TENM4: variants seen among roughly 807,000 people sequenced by gnomAD.
The protein encoded by TENM4 is teneurin-4.
A neutral mutation model predicts 243.3 loss-of-function variants in TENM4; 82 were observed. The ratio of observed to expected loss-of-function variants is 0.34; its 90% CI spans 0.28 to 0.40. TENM4 has a LOEUF of 0.40. Ranked by LOEUF, TENM4 falls within the 10% of genes least tolerant of loss-of-function variation. The pLI is 1.00. For missense variants in TENM4, 3,138 were observed against 3,673.3 expected (o/e 0.85, Z 3.77); for synonymous variants, 1,412 against 1,456.3 (o/e 0.97, Z 0.69).
chr11:79,263,391 G>A (rs533787002), intron 2 of TENM4, among the ~76,000 whole-genome samples: 2 of 152,272 alleles, frequency 1.3e-5, no homozygotes, highest in South Asian at 4.2e-4. Context: ...CCGCAAACAT[G>A]GTGAAGTAAC....
At chr11:79,128,935 C>T (rs1327491268) in intron 4 of TENM4, among the ~76,000 whole-genome samples, 1 of 152,170 alleles carries the variant, frequency 6.6e-6, no homozygotes, top group Non-Finnish European at 1.5e-5. Context: ...TGAACTTTAG[C>T]TCCAGATTGA....
At chr11:79,352,565 C>T (rs1857431664) in intron 1 of TENM4, among the ~76,000 whole-genome samples, 1 of 152,202 alleles carries the variant, frequency 6.6e-6, no homozygotes, top group South Asian at 2.1e-4. Flanking sequence ...CAGTTGCTGA[C>T]AGAAGGATGT....
At position 78,655,843 on chromosome 11, in the gene TENM4, C is replaced by A. The variant is rs925974131; in HGVS notation, c.*2215G>T. On this transcript the variant is annotated 3_prime_UTR_variant, in exon 34 of 34. Transcript: ENST00000278550. ...CAAAACTTGTGTTCTTCAGGCCAAACTGTTTTCCATCTCATCCAAGAATGA... is the reference window on the plus strand; with the variant it reads ...CAAAACTTGTGTTCTTCAGGCCAAAATGTTTTCCATCTCATCCAAGAATGA... 24 of 152,322 alleles carry A rather than the reference C, an allele frequency of 1.6e-4. No individual in the cohort carries two copies. Among genetic ancestry groups the A allele is most frequent in the African/African-American group, 5.8e-4 (24 of 41,558 alleles). 9.4% of individuals were successfully genotyped at this position (152,322 alleles called of 1,614,324 possible). A position where few individuals can be genotyped will look rare whatever the true frequency, so the allele number is the denominator to read the frequency against.
intron 22 of TENM4, 107 bp downstream of exon 22, chr11:78,729,269 A>T: frequency 8.1e-7 from 1 of 1,231,222 alleles, no homozygotes; most frequent in Non-Finnish European, 1.1e-6. Flanking sequence ...ATTAAGCCTT[A>T]GGTATTTTTG....
intron 16 of TENM4, among the ~76,000 whole-genome samples, chr11:78,784,790 TA>T (rs1856901094): frequency 6.6e-6 from 1 of 152,114 alleles, no homozygotes; most frequent in South Asian, 2.1e-4. Context: ...GGCATCAAAA[TA>T]AAAGGGACAT....
intron 4 of TENM4, among the ~76,000 whole-genome samples, chr11:79,094,829 T>C (rs1861041218): frequency 6.6e-6 from 1 of 152,146 alleles, no homozygotes; most frequent in South Asian, 2.1e-4. Flanking sequence ...CCCAGGGAGT[T>C]TGCGGAAGAT....
intron 6 of TENM4, among the ~76,000 whole-genome samples, chr11:78,922,169 T>A (rs1856462226): frequency 6.6e-6 from 1 of 152,230 alleles, no homozygotes; most frequent in South Asian, 2.1e-4. Context: ...CTATTCAAGG[T>A]CTCTGAGGTG....
intron 1 of TENM4, among the ~76,000 whole-genome samples, chr11:79,419,019 C>T (rs1211126963): frequency 2.0e-5 from 3 of 152,190 alleles, no homozygotes; most frequent in African/African-American, 4.8e-5. Context: ...GGAAGTCAAA[C>T]TCATTGGATT....
At chr11:78,883,580 A>G (rs906208864) in intron 9 of TENM4, among the ~76,000 whole-genome samples, 2 of 152,252 alleles carry the variant, frequency 1.3e-5, no homozygotes, top group Non-Finnish European at 2.9e-5. Context: ...TTTTAGATTT[A>G]TTAACAAGCC....
chr11:79,278,179 C>T (rs1409150928), intron 2 of TENM4, among the ~76,000 whole-genome samples: 1 of 152,148 alleles, frequency 6.6e-6, no homozygotes, highest in East Asian at 1.9e-4. Context: ...CTTATTTTCC[C>T]ACCTTGTTCC....
chr11:79,102,303 A>T (rs1025733254), intron 4 of TENM4, among the ~76,000 whole-genome samples: 1 of 152,192 alleles, frequency 6.6e-6, no homozygotes, highest in Admixed American at 6.5e-5. Flanking sequence ...ACTTGGAAGA[A>T]CTTCCTGAGA....
intron 6 of TENM4, among the ~76,000 whole-genome samples, chr11:79,007,430 C>A (rs1858516672): frequency 6.6e-6 from 1 of 152,086 alleles, no homozygotes; most frequent in Non-Finnish European, 1.5e-5. Flanking sequence ...GGGGGCTAAG[C>A]AGGGTGTAGA....
At chr11:79,078,563 C>A (rs1015484998) in intron 4 of TENM4, among the ~76,000 whole-genome samples, 189 of 152,234 alleles carry the variant, frequency 1.2e-3, no homozygotes, top group African/African-American at 4.5e-3. Flanking sequence ...CTGAGAGTAG[C>A]AAAGTGATGC....
At chr11:78,807,199 T>C (rs1857407317) in intron 14 of TENM4, among the ~76,000 whole-genome samples, 1 of 152,224 alleles carries the variant, frequency 6.6e-6, no homozygotes, top group Admixed American at 6.5e-5. Context: ...TTCAATTCAT[T>C]TGAGTATATG....
At chr11:78,990,281 T>C (rs1451451213) in intron 6 of TENM4, among the ~76,000 whole-genome samples, 1 of 152,076 alleles carries the variant, frequency 6.6e-6, no homozygotes, top group Non-Finnish European at 1.5e-5. Context: ...AACCCAGGTG[T>C]TCTGACTTCG....
chr11:79,204,149 G>A (rs1221332905), intron 3 of TENM4, among the ~76,000 whole-genome samples: 1 of 152,170 alleles, frequency 6.6e-6, no homozygotes, highest in Non-Finnish European at 1.5e-5. Context: ...CTGTTAATGG[G>A]TATGGGTTCT....
chr11:79,428,647 A>C (rs1046872595), intron 1 of TENM4, among the ~76,000 whole-genome samples: 2 of 152,176 alleles, frequency 1.3e-5, no homozygotes, highest in East Asian at 3.9e-4. Context: ...AGCACTCAGA[A>C]GGCAGCTGTG....
At chr11:78,687,962 C>T in intron 29 of TENM4, 92 bp downstream of exon 29, 1 of 1,456,736 alleles carries the variant, frequency 6.9e-7, no homozygotes, top group Admixed American at 2.0e-5. Context: ...TCTTGGGCAG[C>T]TCCAGCAGCA....
intron 6 of TENM4, chr11:78,924,348 G>A (rs1229207379): frequency 6.6e-6 from 1 of 152,230 alleles, no homozygotes; most frequent in African/African-American, 2.4e-5. Flanking sequence ...CCAGCCCTGA[G>A]GCCCACCCTA....
Sources: allele counts gnomAD v4.1 joint callset (sites outside exome capture counted in the v4.1 genomes callset), GRCh38; gene constraint gnomAD v4.1.1; transcripts MANE v1.5; gene names NCBI Gene and HGNC (gene_info 2026-07-23, HGNC 2026-07-21).